Variants in CDH13 observed in about 807,000 individuals in gnomAD.
CDH13 encodes the protein cadherin 13, also known as cadherin-13.
CDH13 carries 24 observed loss-of-function variants against 63.8 expected under a neutral mutation model. The ratio of observed to expected loss-of-function variants is 0.38; its 90% CI spans 0.27 to 0.53. CDH13 has a LOEUF of 0.53. Ranked by LOEUF, CDH13 falls within the 20% of genes least tolerant of loss-of-function variation. The pLI, the probability that CDH13 is intolerant of heterozygous loss-of-function variation, is 0.85. For synonymous variants in CDH13, 503 were observed against 355.3 expected, an observed-to-expected ratio of 1.42 and a Z score of -4.67; for missense variants, 1,049 against 903.1, an observed-to-expected ratio of 1.16 and a Z score of -2.07.
At chr16:83,212,845 T>C (rs1227016266) in intron 4 of CDH13, among the ~76,000 whole-genome samples, 1 of 152,192 alleles carries the variant, frequency 6.6e-6, no homozygotes, top group East Asian at 1.9e-4. Context: ...ATTTGCGTTT[T>C]TAATGAGTTC....
At chr16:82,875,204 A>G (rs749512262) in intron 2 of CDH13, among the ~76,000 whole-genome samples, 2 of 152,168 alleles carry the variant, frequency 1.3e-5, no homozygotes, top group Non-Finnish European at 2.9e-5. Context: ...TGGATGCTCA[A>G]CTCAGACTTC....
chr16:83,187,041 G>T (rs1470475643), intron 4 of CDH13, among the ~76,000 whole-genome samples: 2 of 152,094 alleles, frequency 1.3e-5, no homozygotes, highest in African/African-American at 4.8e-5. Flanking sequence ...TGTGATCTCA[G>T]CTCACTGCAA....
chr16:83,649,659 G>A (rs1239001747), intron 8 of CDH13, among the ~76,000 whole-genome samples: 1 of 152,176 alleles, frequency 6.6e-6, no homozygotes, highest in Non-Finnish European at 1.5e-5. Flanking sequence ...CCTGCAGCCA[G>A]GGGAAGGAGG....
At chr16:83,281,764 G>A (rs891894140) in intron 5 of CDH13, among the ~76,000 whole-genome samples, 2 of 149,400 alleles carry the variant, frequency 1.3e-5, no homozygotes, top group African/African-American at 5.0e-5. Flanking sequence ...AAAAAAAAAC[G>A]TAGCCAAGCG....
chr16:82,795,762 T>C (rs1226546943), intron 1 of CDH13, among the ~76,000 whole-genome samples: 1 of 152,022 alleles, frequency 6.6e-6, no homozygotes, highest in Non-Finnish European at 1.5e-5. Flanking sequence ...AAGAAAACAA[T>C]GGCTGTAGTG....
chr16:82,667,351 G>C (rs567252632), intron 1 of CDH13, among the ~76,000 whole-genome samples: 1 of 152,196 alleles, frequency 6.6e-6, no homozygotes, highest in South Asian at 2.1e-4. Flanking sequence ...TACTGAGCTG[G>C]CCATCCCCAA....
intron 5 of CDH13, among the ~76,000 whole-genome samples, chr16:83,242,561 G>A (rs11643432): frequency 0.66 from 99,952 of 152,002 alleles, 34,572 homozygotes; most frequent in East Asian, 0.81. Flanking sequence ...TGACATACAG[G>A]TCCAGGCAGA....
At chr16:82,752,500 A>T (rs1484920760) in intron 1 of CDH13, among the ~76,000 whole-genome samples, 2 of 152,220 alleles carry the variant, frequency 1.3e-5, no homozygotes, top group Non-Finnish European at 2.9e-5. Context: ...ACAGTTCTTG[A>T]TTGGTTGAGG....
At chr16:82,882,653 C>A (rs941939752) in intron 2 of CDH13, among the ~76,000 whole-genome samples, 1 of 152,052 alleles carries the variant, frequency 6.6e-6, no homozygotes, top group African/African-American at 2.4e-5. Flanking sequence ...TTCCTTCTTT[C>A]CGTTCTCCCT....
chr16:83,306,045 C>G (rs1030223907), intron 5 of CDH13, among the ~76,000 whole-genome samples: 3 of 152,162 alleles, frequency 2.0e-5, no homozygotes, highest in Non-Finnish European at 4.4e-5. Context: ...CATCCCTTTA[C>G]TGCACCCCCT....
chr16:82,917,236 G>A (rs1383650740), intron 2 of CDH13, among the ~76,000 whole-genome samples: 1 of 152,190 alleles, frequency 6.6e-6, no homozygotes, highest in Non-Finnish European at 1.5e-5. Flanking sequence ...GGAGCCGATG[G>A]GGCAGTGCAA....
At chr16:82,738,743 C>G (rs896576936) in intron 1 of CDH13, among the ~76,000 whole-genome samples, 1 of 152,204 alleles carries the variant, frequency 6.6e-6, no homozygotes, top group Admixed American at 6.6e-5. Flanking sequence ...AAAATGTCAT[C>G]TCTTTCTGTA....
chr16:83,711,374 A>G (rs1908022233), intron 10 of CDH13, among the ~76,000 whole-genome samples: 1 of 152,184 alleles, frequency 6.6e-6, no homozygotes, highest in Non-Finnish European at 1.5e-5. Flanking sequence ...GAATTGGTTT[A>G]TCTTGGCATC....
At chr16:83,016,011 A>T in intron 2 of CDH13, among the ~76,000 whole-genome samples, 1 of 151,984 alleles carries the variant, frequency 6.6e-6, no homozygotes, top group African/African-American at 2.4e-5. Context: ...ATTGTTGTCG[A>T]GTGGAGAAAT....
intron 5 of CDH13, among the ~76,000 whole-genome samples, chr16:83,221,302 C>T (rs990577534): frequency 1.3e-4 from 20 of 152,160 alleles, no homozygotes; most frequent in Non-Finnish European, 2.5e-4. Context: ...CATCTTGCCA[C>T]TCCTCCCTGC....
intron 6 of CDH13, among the ~76,000 whole-genome samples, chr16:83,401,507 G>A (rs934025514): frequency 1.5e-4 from 23 of 152,044 alleles, no homozygotes; most frequent in South Asian, 8.3e-4. Flanking sequence ...GCAAGACTCC[G>A]TCTCAAAATA....
Position 82,732,707 on chromosome 16 carries a change from C to T in CDH13, c.45+105570C>T, listed in dbSNP as rs150961071. On this transcript the variant is annotated intron_variant, in intron 1 of 13. Transcript: ENST00000567109. ...TGTGCTAGTGACCACAGATATCTAA[C>T]CACTGATTTCCAAAGGCTTACTATT... Among the ~76,000 whole-genome samples, 45 of 152,278 alleles carry T rather than the reference C, an allele frequency of 3.0e-4. 1 individual carries two copies. The East Asian group carries it at 8.1e-3, about 27-fold the overall frequency.
intron 1 of CDH13, among the ~76,000 whole-genome samples, chr16:82,662,041 A>G (rs1332063407): frequency 6.6e-6 from 1 of 152,200 alleles, no homozygotes; most frequent in Non-Finnish European, 1.5e-5. Flanking sequence ...CAGATGTAGG[A>G]CATCCCCGCC....
At chr16:83,187,533 T>C (rs943842959) in intron 4 of CDH13, among the ~76,000 whole-genome samples, 4 of 152,022 alleles carry the variant, frequency 2.6e-5, no homozygotes, top group Non-Finnish European at 4.4e-5. Flanking sequence ...TCAGGGACTT[T>C]AGGATGTAGA....
Sources: allele counts gnomAD v4.1 joint callset (sites outside exome capture counted in the v4.1 genomes callset), GRCh38; gene constraint gnomAD v4.1.1; transcripts MANE v1.5; gene names NCBI Gene and HGNC (gene_info 2026-07-23, HGNC 2026-07-21).